Variants in CCND3 observed in about 807,000 individuals in gnomAD.
CCND3 encodes the protein G1/S-specific cyclin-D3.
In CCND3, 9 loss-of-function variants were observed where a neutral mutation model predicts 28.7. The ratio of observed to expected loss-of-function variants is 0.31; its 90% CI spans 0.19 to 0.55. The LOEUF is 0.55. Among genes scored for constraint, CCND3 ranks in the 20% least tolerant of loss-of-function variants. CCND3 has a pLI of 0.93. For synonymous variants in CCND3, 164 were observed against 163.9 expected, an observed-to-expected ratio of 1.00 and a Z score of 0.00; for missense variants, 315 against 385.8, an observed-to-expected ratio of 0.82 and a Z score of 1.54.
At chr6:41,989,836 T>C (rs6458260) in intron 1 of CCND3, among the ~76,000 whole-genome samples, 149,231 of 152,314 alleles carry the variant, frequency 0.98, 73,165 homozygotes, top group East Asian at 1. Flanking sequence ...TCTGCCCAAA[T>C]GAACTGAAAA....
chr6:41,954,999 G>T (rs1776404359), intron 1 of CCND3, among the ~76,000 whole-genome samples: 1 of 152,128 alleles, frequency 6.6e-6, no homozygotes, highest in South Asian at 2.1e-4. Context: ...GACTTTTTGT[G>T]ATGTGTGAAA....
chr6:42,013,778 C>G (rs1231477350), intron 1 of CCND3, among the ~76,000 whole-genome samples: 1 of 152,192 alleles, frequency 6.6e-6, no homozygotes, highest in Non-Finnish European at 1.5e-5. Context: ...GCCATTCATT[C>G]AAGAATGACT....
chr6:41,939,219 C>CGACTCACA lies in CCND3; in HGVS notation c.414+1143_414+1150dup, dbSNP rs1214346831. 6.6e-5 allele frequency among the ~76,000 whole-genome samples: 10 copies of CGACTCACA among 152,116 alleles called. No homozygotes were observed. Among genetic ancestry groups the CGACTCACA allele is most frequent in the Non-Finnish European group, 1.5e-5 (1 of 68,024 alleles). On this transcript the variant is annotated intron_variant, in intron 2 of 4. Transcript: ENST00000372991. The surrounding 1 kb of genome is among the most constrained non-coding windows in gnomAD (Gnocchi z 4.2). ...TGGCAGGAAGAGGAATCCTGTTCCT[C>CGACTCACA]GACTCACAGCAGTCGGGGGCCCCAG...
At chr6:41,984,643 C>T (rs922368755) in intron 1 of CCND3, among the ~76,000 whole-genome samples, 4 of 152,194 alleles carry the variant, frequency 2.6e-5, no homozygotes, top group South Asian at 2.1e-4. Flanking sequence ...CCACCACTCT[C>T]GGCGGGTAGT....
chr6:41,937,443 GA>G (rs1464642162), intron 2 of CCND3, 49 bp from the exon 3 acceptor site: 1 of 1,607,394 alleles, frequency 6.2e-7, no homozygotes, highest in Non-Finnish European at 8.5e-7. Flanking sequence ...AAGTGAAGAG[GA>G]GGGAGCAAAG....
In CCND3 at chr6:42,033,619, G is replaced by A. The variant is rs11965769; in HGVS notation, c.-46+14882C>T. On this transcript the variant is annotated intron_variant, in intron 1 of 4. Transcript: ENST00000372988. ...TCCCAGCACTTTGGGAGGCTGAGGC[G>A]GGCAGATCACCTGAGATCAGAAGGA... Among the ~76,000 whole-genome samples the A allele has an allele frequency of 7.3e-3, 1,071 of 146,068 alleles. 6 individuals are homozygous for A. The highest frequency in any genetic ancestry group is 0.025 in the Middle Eastern group (6 of 236).
chr6:41,940,236 A>G, intron 2 of CCND3, 134 bp downstream of exon 2: 1 of 772,478 alleles, frequency 1.3e-6, no homozygotes, highest in Non-Finnish European at 2.2e-6. Context: ...GTTCCACCCC[A>G]ATTCCTTTCC....
At position 41,979,994 on chromosome 6, in the gene CCND3, T is replaced by C. The variant is rs567979676; in HGVS notation, c.-45-39409A>G. On this transcript the variant is annotated intron_variant, in intron 1 of 4. Coordinates refer to the CCND3 transcript ENST00000372988. ...TGGTTTGTTTATTTAACAATGAACA[T>C]ATGCTGCTTTCAAAATCACACACAC... is the stretch of plus-strand genomic sequence containing the variant. Among the ~76,000 whole-genome samples, 11 of 24,760 alleles carry C rather than the reference T, an allele frequency of 4.4e-4. No homozygotes were observed. In the East Asian group the frequency reaches 0.013, roughly 29 times the overall value. The allele number at this position is 24,760 out of a possible 152,430, so 16.2% of individuals were successfully genotyped here.
Position 41,974,186 on chromosome 6 carries a change from G to GAAACA in CCND3, c.-45-33606_-45-33602dup, listed in dbSNP as rs373543864. 9.8e-3 allele frequency among the ~76,000 whole-genome samples: 1,493 copies of GAAACA among 152,176 alleles called. 25 individuals are homozygous for GAAACA. Among genetic ancestry groups the GAAACA allele is most frequent in the African/African-American group, 0.034 (1,411 of 41,502 alleles). On this transcript the variant is annotated intron_variant, in intron 1 of 4. Coordinates refer to the CCND3 transcript ENST00000372988. ...TAACAGAGCAAGACTCTGTCTCGAA[G>GAAACA]AAACAAAACAAAACAAAACAAGAAC... is the stretch of plus-strand genomic sequence containing the variant.
chr6:41,981,772 C>A (rs1424471845), intron 1 of CCND3, among the ~76,000 whole-genome samples: 1 of 151,852 alleles, frequency 6.6e-6, no homozygotes, highest in African/African-American at 2.4e-5. Context: ...AATCCACCCA[C>A]CTCAGCCTCC....
chr6:41,989,486 A>C (rs1455689824), intron 1 of CCND3, among the ~76,000 whole-genome samples: 1 of 151,674 alleles, frequency 6.6e-6, no homozygotes, highest in Non-Finnish European at 1.5e-5. Flanking sequence ...AAAACAGAAA[A>C]GAAAACAACA....
At chr6:41,997,982 A>T (rs75810251) in intron 1 of CCND3, among the ~76,000 whole-genome samples, 1 of 710 alleles carries the variant, frequency 1.4e-3, no homozygotes, top group Non-Finnish European at 9.3e-3. Context: ...ATCTACTAAA[A>T]AAAAAAAAAA....
At chr6:41,993,222 G>A (rs780722866) in intron 1 of CCND3, among the ~76,000 whole-genome samples, 4 of 152,050 alleles carry the variant, frequency 2.6e-5, no homozygotes, top group Non-Finnish European at 5.9e-5. Context: ...GTTTTTTGAG[G>A]AAACTCCATA....
At chr6:41,961,460 G>A (rs550657812) in intron 1 of CCND3, among the ~76,000 whole-genome samples, 2 of 152,246 alleles carry the variant, frequency 1.3e-5, no homozygotes, top group South Asian at 2.1e-4. Flanking sequence ...CCAGCTACTC[G>A]TGAGGCTGAG....
intron 1 of CCND3, among the ~76,000 whole-genome samples, chr6:41,967,882 A>G (rs1418120261): frequency 6.6e-6 from 1 of 152,166 alleles, no homozygotes; most frequent in Non-Finnish European, 1.5e-5. Context: ...GTGGTTATTT[A>G]TTTGCCTTCT....
intron 1 of CCND3, among the ~76,000 whole-genome samples, chr6:41,980,352 T>A (rs2127411932): frequency 6.6e-6 from 1 of 152,224 alleles, no homozygotes; most frequent in South Asian, 2.1e-4. Flanking sequence ...GCCAGGCTGG[T>A]CTCGAACTGC....
At chr6:41,979,047 T>C (rs1373301867) in intron 1 of CCND3, among the ~76,000 whole-genome samples, 1 of 150,928 alleles carries the variant, frequency 6.6e-6, no homozygotes, top group Non-Finnish European at 1.5e-5. Flanking sequence ...AGTGCATGCC[T>C]GTAATCCGAG....
rs890531799 is a variant in CCND3 at position 41,939,716 on chromosome 6, G to A, written c.414+654C>T. On this transcript the variant is annotated intron_variant, in intron 2 of 4. Transcript: ENST00000372991. This position sits in a 1 kb window ranked among gnomAD's most constrained non-coding sequence, Gnocchi z 4.2. The stretch of plus-strand genomic sequence containing the variant: ...TCAGCTTGGGCCTTGGGCTAAGGGG[G>A]GAAGAGGGAGCTGTTTCCACCAGGC... 6.6e-6 allele frequency among the ~76,000 whole-genome samples: 1 copy of A among 152,176 alleles called. No homozygotes were observed. The highest frequency in any genetic ancestry group is 2.4e-5 in the African/African-American group (1 of 41,450).
intron 1 of CCND3, among the ~76,000 whole-genome samples, chr6:42,044,286 G>A (rs114590912): frequency 0.039 from 5,981 of 152,324 alleles, 169 homozygotes; most frequent in Non-Finnish European, 0.059. Flanking sequence ...AGCTGGTGAT[G>A]GGCTGGGAGC....
Sources: allele counts gnomAD v4.1 joint callset (sites outside exome capture counted in the v4.1 genomes callset), GRCh38; gene constraint gnomAD v4.1.1; non-coding constraint Gnocchi (gnomAD v3.1); transcripts MANE v1.5; gene names NCBI Gene and HGNC (gene_info 2026-07-23, HGNC 2026-07-21).